EHMT1: variants seen among roughly 807,000 people sequenced by gnomAD.
The protein encoded by EHMT1 is euchromatic histone lysine methyltransferase 1.
In EHMT1, 15 loss-of-function variants were observed where a neutral mutation model predicts 147.2. That is an observed-to-expected ratio of 0.10 (90% CI 0.07 to 0.16). The LOEUF is 0.16. EHMT1 is among the 10% of genes least tolerant of loss of function. EHMT1 has a pLI of 1.00. For missense variants in EHMT1, 1,587 were observed against 1,772.4 expected (o/e 0.90, Z 1.88); for synonymous variants, 795 against 709.6 (o/e 1.12, Z -1.91).
intron 1 of EHMT1, among the ~76,000 whole-genome samples, chr9:137,663,046 G>T (rs1939254131): frequency 6.6e-6 from 1 of 150,926 alleles, no homozygotes; most frequent in Admixed American, 6.6e-5. Context: ...ACCTGCCTCG[G>T]CCTCCCAAAG....
At position 137,639,653 on chromosome 9, in the gene EHMT1, A is replaced by G. The variant is rs906755417; in HGVS notation, c.21+20604A>G. 5.9e-5 allele frequency among the ~76,000 whole-genome samples: 9 copies of G among 152,096 alleles called. No homozygotes were observed. The South Asian group carries it at 1.5e-3, about 25-fold the overall frequency. On this transcript the variant is annotated intron_variant, in intron 1 of 26. Coordinates refer to ENST00000460843, the MANE Select transcript of EHMT1 (RefSeq NM_024757.5). ...CAGTTTTTTTATGGTTTATTTTTGCATACTATATCTTTTTCTGGCCTTTTA... is the reference window on the plus strand; with the variant it reads ...CAGTTTTTTTATGGTTTATTTTTGCGTACTATATCTTTTTCTGGCCTTTTA...
intron 4 of EHMT1, among the ~76,000 whole-genome samples, chr9:137,733,614 G>A (rs1188776775): frequency 1.3e-5 from 2 of 152,192 alleles, no homozygotes; most frequent in South Asian, 2.1e-4. Context: ...AACAGTGTGC[G>A]TGCAGCTTGT....
intron 17 of EHMT1, chr9:137,800,620 G>C (rs1015305054): frequency 1.9e-6 from 1 of 537,176 alleles, no homozygotes; most frequent in Non-Finnish European, 3.4e-6. Context: ...GGGCAAGGCC[G>C]ACAGCACAGG....
At position 137,728,405 on chromosome 9, in the gene EHMT1, A is replaced by G; in HGVS notation, c.699A>G (p.Pro233=). 1 of 1,614,242 alleles carries G rather than the reference A, an allele frequency of 6.2e-7. No homozygotes were observed. The highest frequency in any genetic ancestry group is 8.5e-7 in the Non-Finnish European group (1 of 1,180,046). Residue 233 remains proline (P), a synonymous_variant, in exon 4 of 27, where the codon CCA becomes CCG. Coordinates refer to ENST00000460843, the MANE Select transcript of EHMT1 (RefSeq NM_024757.5). ...EVREARDHKE[P]KEEINKNISD... ...GAGAAGCTAGAGATCATAAGGAACC[A>G]AAAGAGGAGATCAACAAAAACATTT...
At chr9:137,645,617 GCTGT>G (rs1274324552) in intron 1 of EHMT1, among the ~76,000 whole-genome samples, 1 of 152,156 alleles carries the variant, frequency 6.6e-6, no homozygotes, top group African/African-American at 2.4e-5. Flanking sequence ...TTAAAGGAAG[GCTGT>G]CTGTGTTTCC....
chr9:137,669,220 C>T (rs960985494), intron 1 of EHMT1, among the ~76,000 whole-genome samples: 10 of 151,988 alleles, frequency 6.6e-5, no homozygotes, highest in African/African-American at 1.9e-4. Flanking sequence ...CTTCATGTCT[C>T]GTCTTCCCTC....
chr9:137,762,919 G>A (rs757434740), intron 10 of EHMT1, 99 bp downstream of exon 10: 71 of 1,535,064 alleles, frequency 4.6e-5, no homozygotes, highest in Non-Finnish European at 5.6e-5. Flanking sequence ...GTTGTGCTGC[G>A]TGACCAGGGC....
At position 137,816,469 on chromosome 9, in the gene EHMT1, T is replaced by C. The variant is rs1430958221; in HGVS notation, c.3374+407T>C. 9.0e-6 allele frequency: 3 copies of C among 334,004 alleles called. No individual in the cohort carries two copies. The East Asian group carries it at 2.4e-4, about 26-fold the overall frequency. The allele number at this position is 334,004 out of a possible 1,614,324, so 20.7% of individuals were successfully genotyped here. A position where few individuals can be genotyped will look rare whatever the true frequency, so the allele number is the denominator to read the frequency against. ...CTGGGCTTCCCTAACAGTGAGGTGA[T>C]GTCCCAACGCTTCTCAGGCTGCGTG... On this transcript the variant is annotated intron_variant, in intron 23 of 26. Coordinates refer to ENST00000460843, the MANE Select transcript of EHMT1 (RefSeq NM_024757.5).
chr9:137,655,923 A>G (rs1589135334), intron 1 of EHMT1, among the ~76,000 whole-genome samples: 1 of 152,296 alleles, frequency 6.6e-6, no homozygotes. Flanking sequence ...AAGTAATGAT[A>G]AACTGAAAGA....
intron 6 of EHMT1, chr9:137,745,660 G>T: frequency 2.5e-6 from 1 of 397,660 alleles, no homozygotes; most frequent in African/African-American, 2.1e-5. Context: ...CTGCACACAC[G>T]TGTCTGTCGC....
At chr9:137,675,314 A>G (rs1383754645) in intron 1 of EHMT1, 3 of 152,224 alleles carry the variant, frequency 2.0e-5, no homozygotes, top group Non-Finnish European at 4.4e-5. Context: ...GATTATTCCT[A>G]TTACCACTGA....
chr9:137,815,925 C>G, intron 22 of EHMT1, 22 bp from the exon 23 acceptor site: 6 of 1,577,628 alleles, frequency 3.8e-6, no homozygotes, highest in Non-Finnish European at 5.2e-6. Flanking sequence ...CTGCTGGGCC[C>G]TTGCTGCTCA....
chr9:137,756,425 A>G (rs1949380461), intron 8 of EHMT1, among the ~76,000 whole-genome samples: 1 of 152,232 alleles, frequency 6.6e-6, no homozygotes, highest in African/African-American at 2.4e-5. Flanking sequence ...TGGCTAATCT[A>G]GATTCCCCAA....
intron 1 of EHMT1, chr9:137,667,589 T>C (rs1157216048): frequency 6.6e-6 from 1 of 152,182 alleles, no homozygotes; most frequent in African/African-American, 2.4e-5. Context: ...TTGTTTTTTA[T>C]TTGAAGAGAA....
intron 16 of EHMT1, among the ~76,000 whole-genome samples, chr9:137,797,992 AC>A (rs1324781317): frequency 6.6e-6 from 1 of 152,206 alleles, no homozygotes; most frequent in Admixed American, 6.5e-5. Context: ...CTGACCTCCA[AC>A]CTTGCATGTC....
In EHMT1 at chr9:137,787,754, G is replaced by A. The variant is rs189122472; in HGVS notation, c.2383-3094G>A. 1,552 of 797,010 alleles carry A rather than the reference G, an allele frequency of 1.9e-3. 5 individuals are homozygous for A. The highest frequency in any genetic ancestry group is 2.9e-3 in the Non-Finnish European group (1,315 of 452,502). 49.4% of individuals were successfully genotyped at this position (797,010 alleles called of 1,614,324 possible). A position where few individuals can be genotyped will look rare whatever the true frequency, so the allele number is the denominator to read the frequency against. On this transcript the variant is annotated intron_variant, in intron 15 of 26. Transcript: ENST00000460843. This position sits in a 1 kb window ranked among gnomAD's most constrained non-coding sequence, Gnocchi z 4.2. Reference sequence around the variant, plus strand: ...CGAAACATCGTAGATGCTTTTGTTGGGTGACACACCCTGGAAGAGGGCGTC... The same window carrying A: ...CGAAACATCGTAGATGCTTTTGTTGAGTGACACACCCTGGAAGAGGGCGTC...
intron 1 of EHMT1, chr9:137,665,048 A>G (rs927268019): frequency 2.0e-5 from 3 of 152,184 alleles, no homozygotes; most frequent in Non-Finnish European, 4.4e-5. Flanking sequence ...TGTACTAGAA[A>G]GCGTGGGGGA....
chr9:137,794,792 C>T (rs1275645554), intron 16 of EHMT1, among the ~76,000 whole-genome samples: 3 of 151,944 alleles, frequency 2.0e-5, no homozygotes, highest in Non-Finnish European at 4.4e-5. Context: ...AAATGTGAAC[C>T]CAGAATCCTA....
In EHMT1 at chr9:137,817,739, A is replaced by C; in HGVS notation, c.3461+214A>C. ...CCGTAACCAGCCCAGGAGTGCATTT[A>C]AGAAGGCGTGGTCCAGTTAGGAAGG... On this transcript the variant is annotated intron_variant, in intron 24 of 26. Transcript: ENST00000460843. 8 of 658,816 alleles carry C rather than the reference A, an allele frequency of 1.2e-5. No individual in the cohort carries two copies. In the South Asian group the frequency reaches 1.5e-4, roughly 12 times the overall value. 40.8% of individuals were successfully genotyped at this position (658,816 alleles called of 1,614,324 possible).
Sources: gnomAD v4.1 joint callset for allele counts (sites outside exome capture counted in the v4.1 genomes callset) on GRCh38, gnomAD v4.1.1 for gene constraint, Gnocchi (gnomAD v3.1) non-coding constraint, MANE v1.5 for transcripts, NCBI Gene and HGNC (gene_info 2026-07-23, HGNC 2026-07-21) for gene names.